The following SLC6A9 variants were observed in gnomAD, a reference collection of about 807,000 sequenced individuals.
The protein encoded by SLC6A9 is sodium- and chloride-dependent glycine transporter 1.
A neutral mutation model predicts 70.9 loss-of-function variants in SLC6A9; 31 were observed. That is an observed-to-expected ratio of 0.44 (90% CI 0.33 to 0.59). The LOEUF (loss-of-function observed/expected upper bound fraction) is 0.59. SLC6A9 is among the 20% of genes least tolerant of loss of function. SLC6A9 has a pLI of 0.04. For missense variants in SLC6A9, 631 were observed against 845.2 expected (o/e 0.75, Z 3.14); for synonymous variants, 310 against 341.3 (o/e 0.91, Z 1.01).
intron 2 of SLC6A9, among the ~76,000 whole-genome samples, chr1:44,019,893 C>G (rs1236332641): frequency 1.4e-5 from 2 of 140,766 alleles, no homozygotes; most frequent in East Asian, 4.4e-4. Context: ...TGGGGGAGGG[C>G]TGCAGGGAGG....
chr1:44,020,962 A>G (rs1352358899), intron 2 of SLC6A9, among the ~76,000 whole-genome samples: 1 of 152,228 alleles, frequency 6.6e-6, no homozygotes, highest in African/African-American at 2.4e-5. Flanking sequence ...AGACATGGGA[A>G]GAGGTCAACA....
rs779028293 is a variant in SLC6A9 at position 44,008,499 on chromosome 1, A to T, written c.444T>A (p.Asn148Lys). 6.2e-7 allele frequency: 1 copy of T among 1,614,202 alleles called. No individual in the cohort carries two copies. Among genetic ancestry groups the T allele is most frequent in the East Asian group, 2.2e-5 (1 of 44,882 alleles). ...MTHVLPWAYC[N>K]NPWNTHDCAG... ...CGCAGTCATGCGTGTTCCAGGGGTT[A>T]TTGCAGTAGGCCCAGGGCAGCACGT... is the stretch of plus-strand genomic sequence containing the variant. The change falls in exon 5 of 14, where the codon AAT becomes AAA. Residue 148 changes from asparagine to lysine, a missense_variant. Asn to Lys is a moderately conservative substitution (Grantham distance 94, BLOSUM62 0). Coordinates refer to ENST00000372310, the MANE Select transcript of SLC6A9 (RefSeq NM_001024845.3).
intron 3 of SLC6A9, 53 bp from the exon 4 acceptor site, chr1:44,010,149 C>G: frequency 6.2e-7 from 1 of 1,602,898 alleles, no homozygotes; most frequent in South Asian, 1.1e-5. Context: ...GGATCTCACC[C>G]TGGGCTTCCT....
At chr1:44,030,447 C>A (rs1167564342) in intron 1 of SLC6A9, 2 of 151,842 alleles carry the variant, frequency 1.3e-5, no homozygotes, top group South Asian at 1.9e-4. Flanking sequence ...GCCGCCTGCT[C>A]GAGATCTGCA....
intron 2 of SLC6A9, chr1:44,017,125 G>T: frequency 6.2e-7 from 1 of 1,606,828 alleles, no homozygotes. Flanking sequence ...GCGTGTCTCC[G>T]CCGCTCATTC....
intron 5 of SLC6A9, among the ~76,000 whole-genome samples, chr1:44,004,053 C>T (rs1299735647): frequency 7.3e-5 from 11 of 149,884 alleles, no homozygotes; most frequent in African/African-American, 2.2e-4. Flanking sequence ...GGAGTGCATT[C>T]GTGCGATCTG....
At chr1:44,003,958 G>C (rs1350375247) in intron 5 of SLC6A9, among the ~76,000 whole-genome samples, 1 of 151,890 alleles carries the variant, frequency 6.6e-6, no homozygotes, top group Admixed American at 6.6e-5. Flanking sequence ...TCTACCTCCA[G>C]CACCAGCATT....
chr1:44,000,763 T>C lies in SLC6A9; in HGVS notation c.1536+4A>G. The C allele has an allele frequency of 6.3e-7, 1 of 1,589,604 alleles. No homozygotes were observed. The highest frequency in any genetic ancestry group is 1.7e-5 in the Admixed American group (1 of 58,376). Reference sequence around the variant, plus strand: ...GGAAGGGAGGGGCCGGCCAGGGAACTCACGAAGATGATGGCGGGAGAGACG... The same window carrying C: ...GGAAGGGAGGGGCCGGCCAGGGAACCCACGAAGATGATGGCGGGAGAGACG... On this transcript the variant is annotated splice_donor_region_variant and intron_variant, in intron 12 of 13. Coordinates refer to ENST00000372310, the MANE Select transcript of SLC6A9 (RefSeq NM_001024845.3).
chr1:44,002,530 G>C lies in SLC6A9; in HGVS notation c.840C>G (p.Asp280Glu). The C allele has an allele frequency of 6.2e-7, 1 of 1,614,086 alleles. No homozygotes were observed. Among genetic ancestry groups the C allele is most frequent in the Non-Finnish European group, 8.5e-7 (1 of 1,180,004 alleles). ...GIMYYLTPQW[D>E]KILEAKVWGD... ...TTCCCACCTTGGCCTCCAGGATCTT[G>C]TCCCACTGCGGGGTTAGGTAGTACA... is the stretch of plus-strand genomic sequence containing the variant. The change falls in exon 7 of 14, where the codon GAC becomes GAG. Residue 280 changes from aspartate to glutamate, a missense_variant. Transcript: ENST00000372310. The surrounding 1 kb of genome is among the most constrained non-coding windows in gnomAD (Gnocchi z 5.5).
chr1:44,021,291 C>T (rs768093782), intron 2 of SLC6A9, among the ~76,000 whole-genome samples: 58 of 152,144 alleles, frequency 3.8e-4, no homozygotes, highest in Non-Finnish European at 2.4e-4. Flanking sequence ...TGGGTTCTCG[C>T]ACAGCCCTGT....
At chr1:44,010,699 G>A in intron 3 of SLC6A9, 27 bp downstream of exon 3, 2 of 1,610,874 alleles carry the variant, frequency 1.2e-6, no homozygotes, top group Non-Finnish European at 1.7e-6. Flanking sequence ...CCAAGTGGGT[G>A]GTCCCTGCCC....
At chr1:44,003,060 C>G in intron 5 of SLC6A9, 75 bp from the exon 6 acceptor site, 1 of 1,567,366 alleles carries the variant, frequency 6.4e-7, no homozygotes, top group Admixed American at 1.7e-5. Context: ...CCAGGGCCCA[C>G]CCGGGCTGTA....
At chr1:44,000,471 C>T (rs1359223335) in intron 12 of SLC6A9, among the ~76,000 whole-genome samples, 1 of 152,220 alleles carries the variant, frequency 6.6e-6, no homozygotes, top group Non-Finnish European at 1.5e-5. Flanking sequence ...GACACGCTAT[C>T]GATATTGACT....
chr1:44,017,030 C>G, intron 2 of SLC6A9: 1 of 1,568,392 alleles, frequency 6.4e-7, no homozygotes, highest in Non-Finnish European at 8.6e-7. Flanking sequence ...GGCTCAACTT[C>G]CTGGAAGGTG....
In SLC6A9 at chr1:44,001,216, G is replaced by T. The variant is rs1335065846; in HGVS notation, c.1283C>A (p.Thr428Asn). 6.2e-7 allele frequency: 1 copy of T among 1,614,218 alleles called. No homozygotes were observed. The highest frequency in any genetic ancestry group is 2.2e-5 in the East Asian group (1 of 44,882). Residue 428 changes from threonine to asparagine, a missense_variant, in exon 10 of 14, where the codon ACC (threonine) becomes AAC (asparagine). Transcript: ENST00000372310. ...GAAGCCAGCCACAGCCACGCCCAAGGTCACATAGGTCTTTTTCTGCAGGAT... is the reference window on the plus strand; with the variant it reads ...GAAGCCAGCCACAGCCACGCCCAAGTTCACATAGGTCTTTTTCTGCAGGAT... ...EWILQKKTYV[T>N]LGVAVAGFLL...
intron 5 of SLC6A9, among the ~76,000 whole-genome samples, chr1:44,004,986 G>C (rs1426587432): frequency 6.6e-6 from 1 of 152,222 alleles, no homozygotes; most frequent in Non-Finnish European, 1.5e-5. Flanking sequence ...CAGGGGCTGT[G>C]GTTGTGCTGC....
At chr1:43,998,110 T>C in intron 12 of SLC6A9, 85 bp from the exon 13 acceptor site, 2 of 1,308,478 alleles carry the variant, frequency 1.5e-6, no homozygotes, top group Non-Finnish European at 2.1e-6. Context: ...CCCTTTCCTC[T>C]CTGGTTTCCC....
Position 44,009,391 on chromosome 1 carries a change from G to T in SLC6A9, c.319+574C>A, listed in dbSNP as rs535228488. 5.3e-5 allele frequency among the ~76,000 whole-genome samples: 8 copies of T among 151,484 alleles called. No individual in the cohort carries two copies. In the South Asian group the frequency reaches 1.7e-3, roughly 32 times the overall value. On this transcript the variant is annotated intron_variant, in intron 4 of 13. Coordinates refer to ENST00000372310, the MANE Select transcript of SLC6A9 (RefSeq NM_001024845.3). ...CCTGCCACCACACCAAGCTAATTTTGTTTTTGTATTTTTAGTAGAGACAGG... is the reference window on the plus strand; with the variant it reads ...CCTGCCACCACACCAAGCTAATTTTTTTTTTGTATTTTTAGTAGAGACAGG...
chr1:44,011,115 T>G (rs2086550660), intron 2 of SLC6A9, among the ~76,000 whole-genome samples: 1 of 152,140 alleles, frequency 6.6e-6, no homozygotes, highest in African/African-American at 2.4e-5. Flanking sequence ...CAGTGCCAGG[T>G]GCACAGCCCA....
Sources: gnomAD v4.1 joint callset for allele counts (sites outside exome capture counted in the v4.1 genomes callset) on GRCh38, gnomAD v4.1.1 for gene constraint, Gnocchi (gnomAD v3.1) non-coding constraint, MANE v1.5 for transcripts, NCBI Gene and HGNC (gene_info 2026-07-23, HGNC 2026-07-21) for gene names.